Variants in DOCK8 observed in about 807,000 individuals in gnomAD.
DOCK8 encodes the protein dedicator of cytokinesis 8.
A neutral mutation model predicts 245.6 loss-of-function variants in DOCK8; 141 were observed. The ratio of observed to expected loss-of-function variants is 0.57; its 90% CI spans 0.50 to 0.66. The LOEUF (loss-of-function observed/expected upper bound fraction) is 0.66. Among genes scored for constraint, DOCK8 ranks in the 30% least tolerant of loss-of-function variants. The probability of loss-of-function intolerance (pLI) is 0.00; values close to 1 mark genes in which losing one functional copy is unlikely to be tolerated. For synonymous variants in DOCK8, 1,168 were observed against 970.2 expected (o/e 1.20, Z -3.79); for missense variants, 2,965 against 2,603.4 (o/e 1.14, Z -3.02).
Position 407,598 on chromosome 9 carries a change from A to G in DOCK8, c.3530+529A>G, listed in dbSNP as rs566727452. 4.0e-5 allele frequency among the ~76,000 whole-genome samples: 6 copies of G among 150,444 alleles called. No individual in the cohort carries two copies. The East Asian group carries it at 1.2e-3, about 30-fold the overall frequency. On this transcript the variant is annotated intron_variant, in intron 28 of 47. Transcript: ENST00000432829. ...CTTATCTATCTGATTACTCAGGGACATGTGGCAGTATCTAGCCTAGAAGTC... is the reference window on the plus strand; with the variant it reads ...CTTATCTATCTGATTACTCAGGGACGTGTGGCAGTATCTAGCCTAGAAGTC...
intron 44 of DOCK8, among the ~76,000 whole-genome samples, chr9:448,380 T>A (rs2057329812): frequency 6.6e-6 from 1 of 152,198 alleles, no homozygotes; most frequent in Non-Finnish European, 1.5e-5. Context: ...GGTGCTGGGA[T>A]TACAAGTGTG....
chr9:441,833 G>T (rs368203447), intron 41 of DOCK8, 42 bp from the exon 42 acceptor site: 32 of 1,613,002 alleles, frequency 2.0e-5, no homozygotes, highest in Admixed American at 6.7e-5. Flanking sequence ...GGCTCCTCAG[G>T]ATGACATAAC....
At chr9:356,541 A>T (rs2052457039) in intron 14 of DOCK8, among the ~76,000 whole-genome samples, 1 of 151,544 alleles carries the variant, frequency 6.6e-6, no homozygotes, top group Non-Finnish European at 1.5e-5. Flanking sequence ...AAAAAAAAAA[A>T]AAAAGAAAAA....
At position 419,157 on chromosome 9, in the gene DOCK8, A is replaced by AG. The variant is rs146627602; in HGVS notation, c.3840+953dup. On this transcript the variant is annotated intron_variant, in intron 30 of 47. Coordinates refer to ENST00000432829, the MANE Select transcript of DOCK8 (RefSeq NM_203447.4). ...GTCATTTACTTTCACATTTCAATGT[A>AG]GGGTATAGATGTGCAGAGAATTTAA... 4.1e-4 allele frequency among the ~76,000 whole-genome samples: 63 copies of AG among 152,316 alleles called. 1 individual carries two copies. In the East Asian group the frequency reaches 0.011, roughly 26 times the overall value.
At chr9:340,094 T>C (rs1405519534) in intron 13 of DOCK8, 65 bp from the exon 14 acceptor site, 1 of 1,567,904 alleles carries the variant, frequency 6.4e-7, no homozygotes, top group Non-Finnish European at 8.8e-7. Flanking sequence ...AGTGCAACAA[T>C]CTTTCTTGAT....
intron 28 of DOCK8, among the ~76,000 whole-genome samples, chr9:414,541 A>T (rs191655802): frequency 1.0e-4 from 15 of 150,458 alleles, no homozygotes; most frequent in Non-Finnish European, 2.1e-4. Flanking sequence ...TTGGTTTTCC[A>T]GGGTTAGAAC....
At chr9:345,794 G>A (rs575683578) in intron 14 of DOCK8, among the ~76,000 whole-genome samples, 221 of 152,176 alleles carry the variant, frequency 1.5e-3, no homozygotes, top group African/African-American at 4.7e-3. Context: ...AAGTAATTGC[G>A]GTAATGTGTG....
In DOCK8 at chr9:276,708, T is replaced by G. The variant is rs564139892; in HGVS notation, c.156+4979T>G. On this transcript the variant is annotated intron_variant, in intron 2 of 47. Transcript: ENST00000432829. Reference sequence around the variant, plus strand: ...TATTGCCACAGCTGTGTGAATAGATTAACCAGAGACCCTCTGGTGCCAGCC... The same window carrying G: ...TATTGCCACAGCTGTGTGAATAGATGAACCAGAGACCCTCTGGTGCCAGCC... Among the ~76,000 whole-genome samples, 11 of 152,322 alleles carry G rather than the reference T, an allele frequency of 7.2e-5. No homozygotes were observed. In the South Asian group the frequency reaches 1.0e-3, roughly 14 times the overall value.
chr9:447,597 A>T (rs2057304544), intron 44 of DOCK8, among the ~76,000 whole-genome samples: 1 of 152,128 alleles, frequency 6.6e-6, no homozygotes, highest in African/African-American at 2.4e-5. Flanking sequence ...ATCTTGTCCA[A>T]CCATTTGGCT....
intron 5 of DOCK8, 129 bp downstream of exon 5, chr9:304,833 G>A (rs2049738596): frequency 1.5e-6 from 2 of 1,301,378 alleles, no homozygotes; most frequent in East Asian, 2.4e-5. Flanking sequence ...TTTACCATCT[G>A]AGTCAGTGAT....
At chr9:376,949 C>G in intron 19 of DOCK8, 28 bp from the exon 20 acceptor site, 1 of 1,598,690 alleles carries the variant, frequency 6.3e-7, no homozygotes, top group Non-Finnish European at 8.6e-7. Context: ...GTATAAAACC[C>G]CATGAGGCCT....
chr9:394,936 G>T (rs780832409), intron 24 of DOCK8, among the ~76,000 whole-genome samples: 1 of 152,186 alleles, frequency 6.6e-6, no homozygotes, highest in South Asian at 2.1e-4. Context: ...TTGGTTGTAG[G>T]ATGGCCAAAC....
At chr9:339,126 T>G in intron 13 of DOCK8, 27 bp downstream of exon 13, 1 of 1,595,190 alleles carries the variant, frequency 6.3e-7, no homozygotes, top group African/African-American at 1.3e-5. Flanking sequence ...TTTATCCTCT[T>G]TAGCTGTGCC....
At chr9:410,513 A>G (rs1165207878) in intron 28 of DOCK8, among the ~76,000 whole-genome samples, 2 of 152,178 alleles carry the variant, frequency 1.3e-5, no homozygotes, top group Non-Finnish European at 2.9e-5. Flanking sequence ...TGCCGTGAAC[A>G]TGCCTGTGCA....
intron 8 of DOCK8, 28 bp downstream of exon 8, chr9:325,765 T>G: frequency 6.4e-7 from 1 of 1,564,806 alleles, no homozygotes; most frequent in Non-Finnish European, 8.8e-7. Context: ...AATCCATCCC[T>G]AAGGCACATA....
intron 1 of DOCK8, among the ~76,000 whole-genome samples, chr9:228,734 C>G (rs558016050): frequency 1.9e-4 from 29 of 152,288 alleles, no homozygotes; most frequent in African/African-American, 6.3e-4. Context: ...AGTTTAGTGA[C>G]TTAAAACAGC....
At chr9:323,131 A>G (rs1366720082) in intron 7 of DOCK8, among the ~76,000 whole-genome samples, 1 of 151,528 alleles carries the variant, frequency 6.6e-6, no homozygotes. Flanking sequence ...TTAATGTGCA[A>G]TTACCTAATA....
Position 340,135 on chromosome 9 carries a change from A to C in DOCK8, c.1517-24A>C, listed in dbSNP as rs887463390. 11 of 1,612,474 alleles carry C rather than the reference A, an allele frequency of 6.8e-6. No homozygotes were observed. The Admixed American group carries it at 1.0e-4, about 15-fold the overall frequency. On this transcript the variant is annotated intron_variant, in intron 13 of 47. Transcript: ENST00000432829. ...CATAACATGACAGTTTCTTTACTAG[A>C]ACATTCCTATTTTCTCTCTTTAGGC...
At chr9:365,970 T>C in intron 14 of DOCK8, 1 of 244,088 alleles carries the variant, frequency 4.1e-6, no homozygotes, top group South Asian at 4.9e-5. Flanking sequence ...TTTTGGGCTC[T>C]GCCTCTGTTT....
Sources: gnomAD v4.1 joint callset for allele counts (sites outside exome capture counted in the v4.1 genomes callset) on GRCh38, gnomAD v4.1.1 for gene constraint, MANE v1.5 for transcripts, NCBI Gene and HGNC (gene_info 2026-07-23, HGNC 2026-07-21) for gene names.